Variants in FAM135A observed in about 807,000 individuals in gnomAD.
The protein encoded by FAM135A is family with sequence similarity 135 member A.
In FAM135A, 79 loss-of-function variants were observed where a neutral mutation model predicts 146.8. That is an observed-to-expected ratio of 0.54 (90% CI 0.45 to 0.65). The LOEUF (loss-of-function observed/expected upper bound fraction) is 0.65, where lower values mean the gene tolerates loss of function less well. FAM135A is among the 30% of genes least tolerant of loss of function. The pLI is 0.00. For synonymous variants in FAM135A, 562 were observed against 603.6 expected (o/e 0.93, Z 1.01); for missense variants, 1,623 against 1,758.2 (o/e 0.92, Z 1.38).
chr6:70,522,433 G>A (rs1190962878), intron 12 of FAM135A, 80 bp from the exon 13 acceptor site: 1 of 1,242,154 alleles, frequency 8.1e-7, no homozygotes, highest in East Asian at 2.3e-5. Flanking sequence ...AATGGAGGCA[G>A]TTTCTCTCCT....
intron 18 of FAM135A, 113 bp from the exon 19 acceptor site, chr6:70,536,147 C>T: frequency 1.0e-6 from 1 of 980,606 alleles, no homozygotes; most frequent in Non-Finnish European, 1.4e-6. Flanking sequence ...ACTTTTACAA[C>T]ATTAGAAATT....
intron 5 of FAM135A, among the ~76,000 whole-genome samples, chr6:70,470,285 A>G (rs960180326): frequency 7.9e-5 from 12 of 152,222 alleles, no homozygotes; most frequent in Non-Finnish European, 4.4e-5. Flanking sequence ...ATTTAGCTGC[A>G]TGCCTCTGAC....
At position 70,526,754 on chromosome 6, in the gene FAM135A, CACACACACACAT is replaced by C. The variant is rs1214621199; in HGVS notation, c.3614+68_3614+79del. On this transcript the variant is annotated intron_variant, in intron 15 of 21. Coordinates refer to ENST00000418814, the MANE Select transcript of FAM135A (RefSeq NM_001162529.3). The stretch of plus-strand genomic sequence containing the variant: ...CTAAATATATACATATATATATACA[CACACACACACAT>C]ACACACACACACACACACACACACA... 2,656 of 807,512 alleles carry C rather than the reference CACACACACACAT, an allele frequency of 3.3e-3. 47 individuals carry two copies. The African/African-American group carries it at 0.053, about 16-fold the overall frequency. 50.0% of individuals were successfully genotyped at this position (807,512 alleles called of 1,614,324 possible).
intron 2 of FAM135A, among the ~76,000 whole-genome samples, chr6:70,423,481 G>T (rs1292957434): frequency 6.6e-6 from 1 of 152,132 alleles, no homozygotes; most frequent in African/African-American, 2.4e-5. Flanking sequence ...TTGCTTTACC[G>T]TTCTTGAGGA....
At position 70,538,328 on chromosome 6, in the gene FAM135A, G is replaced by A. The variant is rs763134561; in HGVS notation, c.4155G>A (p.Ser1385=). 111 of 1,520,182 alleles carry A rather than the reference G, an allele frequency of 7.3e-5. 1 individual carries two copies. Among genetic ancestry groups the A allele is most frequent in the African/African-American group, 9.6e-5 (7 of 72,690 alleles). 94.2% of individuals were successfully genotyped at this position (1,520,182 alleles called of 1,614,324 possible). A position where few individuals can be genotyped will look rare whatever the true frequency, so the allele number is the denominator to read the frequency against. Residue 1385 remains serine (S), a synonymous_variant, in exon 20 of 22, where the codon TCG becomes TCA. Transcript: ENST00000418814. The part of the protein sequence containing the change: ...WFMQKWKKSG[S]LLQLTCRDHS... ...TGCAGAAATGGAAAAAATCAGGTTCGCTTTTGCAGCTGACATGTCGAGATC... is the reference window on the plus strand; with the variant it reads ...TGCAGAAATGGAAAAAATCAGGTTCACTTTTGCAGCTGACATGTCGAGATC...
intron 20 of FAM135A, among the ~76,000 whole-genome samples, chr6:70,553,591 G>A (rs1189679339): frequency 6.6e-6 from 1 of 152,162 alleles, no homozygotes; most frequent in African/African-American, 2.4e-5. Context: ...AACAGGGACA[G>A]ATCAAAGATA....
chr6:70,437,251 A>G (rs1773389925), intron 4 of FAM135A, among the ~76,000 whole-genome samples: 1 of 152,174 alleles, frequency 6.6e-6, no homozygotes, highest in African/African-American at 2.4e-5. Flanking sequence ...AACAATATGT[A>G]TACTCAAAGA....
At chr6:70,451,634 A>T (rs556547713) in intron 4 of FAM135A, among the ~76,000 whole-genome samples, 2 of 152,164 alleles carry the variant, frequency 1.3e-5, no homozygotes, top group South Asian at 4.1e-4. Flanking sequence ...CCAAGATGAC[A>T]CCTTCCTAGA....
rs1179072858 is a variant in FAM135A, at chr6:70,534,312, C to CTTTTTTTTTTTTTTTTTTTTTT, written c.3965+462_3965+483dup. ...CAAAAATACTTTCAAAGTTTGTATA[C>CTTTTTTTTTTTTTTTTTTTTTT]TTTTTTTTTTTTTTTTTTTTTTTTT... On this transcript the variant is annotated intron_variant, in intron 18 of 21. Transcript: ENST00000418814. Among the ~76,000 whole-genome samples, 14 of 89,804 alleles carry CTTTTTTTTTTTTTTTTTTTTTT rather than the reference C, an allele frequency of 1.6e-4. 2 individuals carry two copies. The highest frequency in any genetic ancestry group is 6.7e-4 in the African/African-American group (14 of 20,954). 58.9% of individuals were successfully genotyped at this position (89,804 alleles called of 152,430 possible). A position where few individuals can be genotyped will look rare whatever the true frequency, so the allele number is the denominator to read the frequency against.
chr6:70,477,744 G>C (rs1782897627), intron 8 of FAM135A, among the ~76,000 whole-genome samples: 1 of 152,140 alleles, frequency 6.6e-6, no homozygotes, highest in South Asian at 2.1e-4. Context: ...TTCAACATGA[G>C]AGCCTTATTA....
chr6:70,481,233 T>C (rs1257662474), intron 9 of FAM135A, among the ~76,000 whole-genome samples: 1 of 152,218 alleles, frequency 6.6e-6, no homozygotes, highest in Non-Finnish European at 1.5e-5. Flanking sequence ...CCAGATTTAG[T>C]GGATAGACAT....
At chr6:70,478,224 T>C (rs1298385486) in intron 8 of FAM135A, among the ~76,000 whole-genome samples, 1 of 152,160 alleles carries the variant, frequency 6.6e-6, no homozygotes, top group Admixed American at 6.6e-5. Context: ...GAGATAATTA[T>C]TTTTTTCTGT....
chr6:70,503,652 G>A (rs1277917311), intron 12 of FAM135A: 20 of 152,064 alleles, frequency 1.3e-4, no homozygotes, highest in Non-Finnish European at 8.8e-5. Context: ...CTTTTGTGAT[G>A]ATGAGTTCCT....
At chr6:70,422,583 A>G (rs1769102705) in intron 2 of FAM135A, among the ~76,000 whole-genome samples, 1 of 152,246 alleles carries the variant, frequency 6.6e-6, no homozygotes, top group African/African-American at 2.4e-5. Context: ...AAAGCACAAC[A>G]GGATACAAGA....
chr6:70,428,839 A>G (rs1364159915), intron 4 of FAM135A, among the ~76,000 whole-genome samples: 5 of 152,192 alleles, frequency 3.3e-5, no homozygotes, highest in South Asian at 2.1e-4. Flanking sequence ...TTTAATTATT[A>G]ACTATTACAC....
intron 12 of FAM135A, among the ~76,000 whole-genome samples, chr6:70,520,183 T>C (rs2128328450): frequency 6.6e-6 from 1 of 152,288 alleles, no homozygotes; most frequent in Admixed American, 6.5e-5. Context: ...TTTGCTCTTT[T>C]AATGTGGTGT....
chr6:70,518,023 G>T (rs1216124934), intron 12 of FAM135A, among the ~76,000 whole-genome samples: 2 of 152,164 alleles, frequency 1.3e-5, no homozygotes, highest in Non-Finnish European at 2.9e-5. Flanking sequence ...TCAGAAGCTC[G>T]AGATGATTAA....
At chr6:70,540,318 C>CTTTTTTTTTTTTTTTTTTTT (rs1190614826) in intron 20 of FAM135A, among the ~76,000 whole-genome samples, 1 of 81,538 alleles carries the variant, frequency 1.2e-5, no homozygotes. Flanking sequence ...ATTCCTGCTA[C>CTTTTTTTTTTTTTTTTTTTT]TTTTTTTTTT....
chr6:70,538,431 T>C (rs376152956), intron 20 of FAM135A, 30 bp downstream of exon 20: 100 of 1,256,256 alleles, frequency 8.0e-5, no homozygotes, highest in Non-Finnish European at 1.0e-4. Context: ...TTGGAAAATA[T>C]ACATGTGAAA....
Sources: gnomAD v4.1 joint callset for allele counts (sites outside exome capture counted in the v4.1 genomes callset) on GRCh38, gnomAD v4.1.1 for gene constraint, MANE v1.5 for transcripts, NCBI Gene and HGNC (gene_info 2026-07-23, HGNC 2026-07-21) for gene names.